The following UVSSA variants were observed in gnomAD, a reference collection of about 807,000 sequenced individuals.
The protein encoded by UVSSA is UV-stimulated scaffold protein A.
UVSSA carries 72 observed loss-of-function variants against 73.9 expected under a neutral mutation model. The ratio of observed to expected loss-of-function variants is 0.97; its 90% CI spans 0.81 to 1.19. The LOEUF (loss-of-function observed/expected upper bound fraction) is 1.19. Ranked by LOEUF, UVSSA falls within the 50% of genes most tolerant of loss-of-function variation. The pLI is 0.00. For missense variants in UVSSA, 1,150 were observed against 965.0 expected (o/e 1.19, Z -2.54); for synonymous variants, 454 against 391.3 (o/e 1.16, Z -1.89).
chr4:1,395,236 C>A (rs1446840055), exon 14 of UVSSA: 1 of 1,479,594 alleles, frequency 6.8e-7, no homozygotes, highest in Non-Finnish European at 9.0e-7. Flanking sequence ...CCCGCCTGCT[C>A]ACACGTGCCC....
At chr4:1,385,673 G>T in intron 13 of UVSSA, 195 bp from the exon 14 acceptor site, 1 of 611,730 alleles carries the variant, frequency 1.6e-6, no homozygotes, top group Non-Finnish European at 2.9e-6. Context: ...CCCTTTCTAA[G>T]CCTGTCTGTC....
At position 1,387,581 on chromosome 4, in the gene UVSSA, C is replaced by G. The variant is rs1720229317; in HGVS notation, c.*1620C>G. 1 of 152,174 alleles carries G rather than the reference C, an allele frequency of 6.6e-6. No homozygotes were observed. Among genetic ancestry groups the G allele is most frequent in the Non-Finnish European group, 1.5e-5 (1 of 68,034 alleles). 9.4% of individuals were successfully genotyped at this position (152,174 alleles called of 1,614,324 possible). On this transcript the variant is annotated 3_prime_UTR_variant, in exon 14 of 14. Transcript: ENST00000389851. ...GTTTCTAATAAGCATTTTATAATTT[C>G]AGCTCTTATGTGTAGATCTTTGATC...
upstream of UVSSA, among the ~76,000 whole-genome samples, chr4:1,343,876 A>C (rs201274576): frequency 8.5e-5 from 13 of 152,348 alleles, no homozygotes; most frequent in East Asian, 2.1e-3. Flanking sequence ...AGCATCCTAT[A>C]ACAGTTCCTG....
chr4:1,394,642 C>T (rs1233346080), exon 14 of UVSSA: 3 of 1,515,062 alleles, frequency 2.0e-6, no homozygotes, highest in Non-Finnish European at 2.7e-6. Context: ...GGAGTGCCCG[C>T]CTGCTCACAC....
At chr4:1,344,897 GA>G (rs1370747134), upstream of UVSSA, among the ~76,000 whole-genome samples, 1 of 152,180 alleles carries the variant, frequency 6.6e-6, no homozygotes, top group Non-Finnish European at 1.5e-5. Flanking sequence ...GAACTCTGTG[GA>G]TACTGGCAGA....
chr4:1,369,672 T>C (rs1286489333), intron 8 of UVSSA, among the ~76,000 whole-genome samples: 1 of 152,272 alleles, frequency 6.6e-6, no homozygotes, highest in East Asian at 1.9e-4. Context: ...AAATCAATAA[T>C]GTCAGCGCTG....
chr4:1,376,045 C>A lies in UVSSA; in HGVS notation c.1445C>A (p.Ala482Glu). Residue 482 changes from alanine to glutamate, a missense_variant, in exon 10 of 14, where the codon GCG becomes GAG. By Grantham distance (107) the Ala-to-Glu change is moderately radical. Coordinates refer to ENST00000389851, the MANE Select transcript of UVSSA (RefSeq NM_020894.4). ...PPPSSASPSRALPEPQEAQKL... is the reference protein window; with the variant it reads ...PPPSSASPSRELPEPQEAQKL... Reference sequence around the variant, plus strand: ...CTCTGCTCCTGTAGCCCCTCCAGAGCGTTGCCAGAGCCACAGGAGGCCCAG... The same window carrying A: ...CTCTGCTCCTGTAGCCCCTCCAGAGAGTTGCCAGAGCCACAGGAGGCCCAG... 2.5e-6 allele frequency: 4 copies of A among 1,596,928 alleles called. No individual in the cohort carries two copies. The highest frequency in any genetic ancestry group is 3.4e-6 in the Non-Finnish European group (4 of 1,172,874).
rs1718738685 is a variant in UVSSA at position 1,376,120 on chromosome 4, A to T, written c.1520A>T (p.Asp507Val). The T allele has an allele frequency of 6.2e-7, 1 of 1,609,530 alleles. No homozygotes were observed. The highest frequency in any genetic ancestry group is 8.5e-7 in the Non-Finnish European group (1 of 1,178,620). ...ARAPVVPYGV[D>V]LHYWGQELPT... is the part of the protein sequence containing the mutation. ...GCGCCTGTGGTGCCCTACGGCGTGG[A>T]CCTGCACTACTGGGGCCAGGAGCTC... The change falls in exon 10 of 14, where the codon GAC (aspartate) becomes GTC (valine). Residue 507 changes from aspartate to valine, a missense_variant. By Grantham distance (152) the Asp-to-Val change is radical (BLOSUM62 -3). Transcript: ENST00000389851.
chr4:1,383,101 C>T (rs1719694780), intron 12 of UVSSA, among the ~76,000 whole-genome samples: 1 of 151,988 alleles, frequency 6.6e-6, no homozygotes, highest in South Asian at 2.1e-4. Context: ...GGAGGCTGCC[C>T]AGTGGGGCTG....
intron 13 of UVSSA, 169 bp from the exon 14 acceptor site, chr4:1,385,699 G>A: frequency 1.5e-6 from 1 of 667,134 alleles, no homozygotes. Context: ...CCAGGGCCAA[G>A]GGGCCCGTCG....
chr4:1,383,972 C>T lies in UVSSA; in HGVS notation c.2036+32C>T, dbSNP rs555374382. 5.8e-5 allele frequency: 92 copies of T among 1,591,320 alleles called. 2 individuals are homozygous for T. The Middle Eastern group carries it at 7.6e-4, about 13-fold the overall frequency. On this transcript the variant is annotated intron_variant, in intron 13 of 13. Coordinates refer to ENST00000389851, the MANE Select transcript of UVSSA (RefSeq NM_020894.4). Reference sequence around the variant, plus strand: ...GTGGCTGCTGGGTCACCTCCCACCGCGTGGCCCCCCCGTGTGAGGGTGTTC... The same window carrying T: ...GTGGCTGCTGGGTCACCTCCCACCGTGTGGCCCCCCCGTGTGAGGGTGTTC...
At chr4:1,345,867 A>G (rs559491942), upstream of UVSSA, among the ~76,000 whole-genome samples, 15 of 152,244 alleles carry the variant, frequency 9.9e-5, no homozygotes, top group East Asian at 2.9e-3. Context: ...AATGAGAACT[A>G]GTAACAACAA....
chr4:1,348,098 C>G lies in UVSSA; in HGVS notation c.7C>G (p.Gln3Glu). 6.2e-7 allele frequency: 1 copy of G among 1,612,758 alleles called. No homozygotes were observed. The highest frequency in any genetic ancestry group is 1.1e-5 in the South Asian group (1 of 91,042). ...GCCTTACTTATTTCTAGATATGGAT[C>G]AGAAACTTTCGAAGTTGGTAGAAGA... MD[Q>E]KLSKLVEELT... Residue 3 changes from glutamine to glutamate, a missense_variant, in exon 2 of 14, where the codon CAG (glutamine) becomes GAG (glutamate). Gln to Glu is a conservative substitution (Grantham distance 29). Transcript: ENST00000389851.
intron 7 of UVSSA, among the ~76,000 whole-genome samples, chr4:1,362,868 C>G (rs1716841209): frequency 6.6e-6 from 1 of 152,200 alleles, no homozygotes; most frequent in African/African-American, 2.4e-5. Context: ...TTCCTGTCCT[C>G]CGAACAGGCC....
exon 14 of UVSSA, chr4:1,394,290 T>A (rs1720469880): frequency 2.3e-6 from 2 of 858,496 alleles, no homozygotes; most frequent in African/African-American, 1.7e-5. Flanking sequence ...TGTAGTTGAA[T>A]TATCAATCTT....
chr4:1,373,786 G>A (rs771559830), intron 8 of UVSSA, among the ~76,000 whole-genome samples: 6 of 152,196 alleles, frequency 3.9e-5, no homozygotes, highest in Admixed American at 6.5e-5. Context: ...AGGGTGTTCC[G>A]TGCTTCCTCC....
rs1488261761 is a variant in UVSSA, at chr4:1,349,864, C to T, written c.429+10C>T. On this transcript the variant is annotated intron_variant, in intron 3 of 13. Transcript: ENST00000389851. Reference sequence around the variant, plus strand: ...AAGACACAACAAAAAGGTAGGTGGGCCTGGCCCATTTTTTCAGAGACTGGT... The same window carrying T: ...AAGACACAACAAAAAGGTAGGTGGGTCTGGCCCATTTTTTCAGAGACTGGT... The T allele has an allele frequency of 1.6e-5, 25 of 1,522,508 alleles. No homozygotes were observed. The highest frequency in any genetic ancestry group is 2.0e-5 in the Non-Finnish European group (23 of 1,136,760). 94.3% of individuals were successfully genotyped at this position (1,522,508 alleles called of 1,614,324 possible). A position where few individuals can be genotyped will look rare whatever the true frequency, so the allele number is the denominator to read the frequency against.
At chr4:1,389,333 C>A (rs768256421), downstream of UVSSA, 5 of 152,166 alleles carry the variant, frequency 3.3e-5, no homozygotes, top group Non-Finnish European at 7.3e-5. Context: ...GTAGGAAGGA[C>A]CACAGGCATG....
Position 1,375,356 on chromosome 4 carries a change from T to C in UVSSA, c.1289-8T>C. On this transcript the variant is annotated splice_polypyrimidine_tract_variant and splice_region_variant and intron_variant, in intron 8 of 13. Transcript: ENST00000389851. Reference sequence around the variant, plus strand: ...TGGTGGCAGGGAGTGGACACGTGTCTGTTTCAGGGCTGGAGGCAGCACCAG... The same window carrying C: ...TGGTGGCAGGGAGTGGACACGTGTCCGTTTCAGGGCTGGAGGCAGCACCAG... 1 of 1,612,990 alleles carries C rather than the reference T, an allele frequency of 6.2e-7. No homozygotes were observed. Among genetic ancestry groups the C allele is most frequent in the Non-Finnish European group, 8.5e-7 (1 of 1,179,652 alleles).
Sources: gnomAD v4.1 joint callset for allele counts (sites outside exome capture counted in the v4.1 genomes callset) on GRCh38, gnomAD v4.1.1 for gene constraint, MANE v1.5 for transcripts, NCBI Gene and HGNC (gene_info 2026-07-23, HGNC 2026-07-21) for gene names.